EPHA3: variants seen among roughly 807,000 people sequenced by gnomAD.
EPHA3 encodes the protein ephrin type-A receptor 3.
Under a neutral mutation model 107.1 loss-of-function variants are expected in EPHA3, and 42 were observed. The observed-to-expected ratio is 0.39, with a 90% CI of 0.31 to 0.51. The LOEUF (loss-of-function observed/expected upper bound fraction) is 0.51, where lower values mean the gene tolerates loss of function less well. EPHA3 is among the 20% of genes least tolerant of loss of function. The pLI is 0.78. For synonymous variants in EPHA3, 461 were observed against 424.8 expected (o/e 1.09, Z -1.05); for missense variants, 1,183 against 1,211.2 (o/e 0.98, Z 0.35).
chr3:89,206,899 ATCT>A (rs762881199), intron 2 of EPHA3, among the ~76,000 whole-genome samples: 9 of 152,106 alleles, frequency 5.9e-5, no homozygotes, highest in Non-Finnish European at 1.3e-4. Context: ...TACTTCTGAG[ATCT>A]TCTAAAATAG....
chr3:89,476,831 C>T (rs1268765340), intron 16 of EPHA3, among the ~76,000 whole-genome samples: 1 of 151,674 alleles, frequency 6.6e-6, no homozygotes, highest in African/African-American at 2.4e-5. Context: ...GATGGTCTTG[C>T]TCTCCTGACC....
At chr3:89,251,716 A>C (rs1389977895) in intron 3 of EPHA3, among the ~76,000 whole-genome samples, 2 of 152,132 alleles carry the variant, frequency 1.3e-5, no homozygotes, top group African/African-American at 4.8e-5. Context: ...TTTCATAACA[A>C]TTTAAATTTT....
At chr3:89,377,709 A>G (rs2107479787) in intron 5 of EPHA3, among the ~76,000 whole-genome samples, 1 of 152,258 alleles carries the variant, frequency 6.6e-6, no homozygotes, top group South Asian at 2.1e-4. Flanking sequence ...ATGTTTCTAA[A>G]GCTAAACCAC....
chr3:89,135,250 A>G (rs1182364728), intron 2 of EPHA3, among the ~76,000 whole-genome samples: 1 of 152,098 alleles, frequency 6.6e-6, no homozygotes, highest in Non-Finnish European at 1.5e-5. Flanking sequence ...TTCCTAGCAT[A>G]CAACACCTGA....
chr3:89,368,287 T>A (rs964343028), intron 5 of EPHA3, among the ~76,000 whole-genome samples: 2 of 150,184 alleles, frequency 1.3e-5, no homozygotes, highest in Non-Finnish European at 3.0e-5. Flanking sequence ...AAAGCAATCT[T>A]CATTAATTAA....
intron 1 of EPHA3, among the ~76,000 whole-genome samples, chr3:89,118,177 T>A (rs1707299264): frequency 6.6e-6 from 1 of 152,044 alleles, no homozygotes; most frequent in South Asian, 2.1e-4. Context: ...ATTATAGTGT[T>A]CTTGACACTT....
chr3:89,152,704 A>T (rs1236842868), intron 2 of EPHA3, among the ~76,000 whole-genome samples: 3 of 152,134 alleles, frequency 2.0e-5, no homozygotes, highest in Non-Finnish European at 4.4e-5. Context: ...GGTAAAAAGT[A>T]AAAACCATCT....
intron 5 of EPHA3, among the ~76,000 whole-genome samples, chr3:89,384,003 T>C (rs1052604730): frequency 6.6e-6 from 1 of 152,040 alleles, no homozygotes; most frequent in African/African-American, 2.4e-5. Flanking sequence ...CTTGATTTTA[T>C]AGAATCATTC....
At chr3:89,144,101 T>C (rs759337002) in intron 2 of EPHA3, among the ~76,000 whole-genome samples, 23 of 151,696 alleles carry the variant, frequency 1.5e-4, no homozygotes, top group Non-Finnish European at 3.0e-4. Context: ...GTACGTAGTC[T>C]GCATTAGAGT....
intron 3 of EPHA3, among the ~76,000 whole-genome samples, chr3:89,329,275 G>T (rs11920966): frequency 1.1e-4 from 17 of 151,328 alleles, no homozygotes; most frequent in Non-Finnish European, 2.1e-4. Context: ...CCCACTCCCC[G>T]CTCCGCCCCC....
chr3:89,415,822 A>G (rs1383073805), intron 10 of EPHA3, among the ~76,000 whole-genome samples: 5 of 151,452 alleles, frequency 3.3e-5, no homozygotes, highest in East Asian at 1.9e-4. Flanking sequence ...AGGTATTATT[A>G]TCTCCATTTC....
Position 89,407,340 on chromosome 3 carries a change from C to T in EPHA3, c.1666C>T (p.Leu556Phe), listed in dbSNP as rs1356072262. 1 of 1,613,560 alleles carries T rather than the reference C, an allele frequency of 6.2e-7. No individual in the cohort carries two copies. Among genetic ancestry groups the T allele is most frequent in the Admixed American group, 1.7e-5 (1 of 59,976 alleles). Residue 556 changes from leucine to phenylalanine, a missense_variant, in exon 8 of 17, where the codon CTC (leucine) becomes TTC (phenylalanine). By Grantham distance (22) the Leu-to-Phe change is conservative (BLOSUM62 0). Coordinates refer to ENST00000336596, the MANE Select transcript of EPHA3 (RefSeq NM_005233.6). ...TTCAGCGGCAGTAGCAATTATTCTC[C>T]TCACTGTTGTCATCTATGTTTTGAT... ...AISAAVAIIL[L>F]TVVIYVLIGR...
intron 3 of EPHA3, among the ~76,000 whole-genome samples, chr3:89,332,389 C>G (rs533324441): frequency 5.5e-4 from 83 of 152,172 alleles, no homozygotes; most frequent in Non-Finnish European, 1.0e-3. Flanking sequence ...TTGAGCCATA[C>G]TGGATTGTGA....
chr3:89,241,469 G>A lies in EPHA3; in HGVS notation c.814+30949G>A, dbSNP rs77287162. On this transcript the variant is annotated intron_variant, in intron 3 of 16. Transcript: ENST00000336596. ...TATTTCTATTACATCTACTAACAAC[G>A]CCAATAATGATAACATTTCTACTAT... Among the ~76,000 whole-genome samples, 11 of 152,058 alleles carry A rather than the reference G, an allele frequency of 7.2e-5. No homozygotes were observed. The East Asian group carries it at 7.8e-4, about 11-fold the overall frequency.
intron 3 of EPHA3, among the ~76,000 whole-genome samples, chr3:89,294,115 T>G (rs2107334377): frequency 6.6e-6 from 1 of 152,286 alleles, no homozygotes; most frequent in South Asian, 2.1e-4. Flanking sequence ...TTGCCAACTT[T>G]TCTCCTAACC....
At chr3:89,427,701 TA>T (rs1440085441) in intron 11 of EPHA3, among the ~76,000 whole-genome samples, 1 of 151,940 alleles carries the variant, frequency 6.6e-6, no homozygotes, top group Non-Finnish European at 1.5e-5. Flanking sequence ...TATCTAATTG[TA>T]TTACCTCAAC....
chr3:89,359,665 A>T lies in EPHA3; in HGVS notation c.1306+17575A>T, dbSNP rs142973492. ...TTCTTCTTTAGATGAACTGGCAAAC[A>T]TTATATATTGTGTGTGTGTGTGTAT... On this transcript the variant is annotated intron_variant, in intron 5 of 16. Transcript: ENST00000336596. 6.2e-4 allele frequency among the ~76,000 whole-genome samples: 81 copies of T among 130,358 alleles called. 6 individuals are homozygous for T. The highest frequency in any genetic ancestry group is 1.2e-3 in the Non-Finnish European group (66 of 56,716). 85.5% of individuals were successfully genotyped at this position (130,358 alleles called of 152,430 possible).
chr3:89,276,269 C>A (rs958174399), intron 3 of EPHA3, among the ~76,000 whole-genome samples: 1 of 152,074 alleles, frequency 6.6e-6, no homozygotes, highest in Non-Finnish European at 1.5e-5. Context: ...GCTCATAACA[C>A]TTTCTCTTAA....
At chr3:89,300,210 A>G (rs1309128451) in intron 3 of EPHA3, among the ~76,000 whole-genome samples, 2 of 151,960 alleles carry the variant, frequency 1.3e-5, no homozygotes, top group African/African-American at 4.8e-5. Context: ...ACAATGGATT[A>G]TTATTTTTTT....
Sources: allele counts gnomAD v4.1 joint callset (sites outside exome capture counted in the v4.1 genomes callset), GRCh38; gene constraint gnomAD v4.1.1; transcripts MANE v1.5; gene names NCBI Gene and HGNC (gene_info 2026-07-23, HGNC 2026-07-21).